Variants in ACTC1 observed in about 807,000 individuals in gnomAD.
The protein encoded by ACTC1 is actin, alpha cardiac muscle 1.
Under a neutral mutation model 31.6 loss-of-function variants are expected in ACTC1, and 10 were observed. The observed-to-expected ratio is 0.32, with a 90% CI of 0.19 to 0.54. ACTC1 has a LOEUF of 0.54. Ranked by LOEUF, ACTC1 falls within the 20% of genes least tolerant of loss-of-function variation. The pLI is 0.95. For synonymous variants in ACTC1, 196 were observed against 185.0 expected, an observed-to-expected ratio of 1.06 and a Z score of -0.48; for missense variants, 129 against 506.4, an observed-to-expected ratio of 0.25 and a Z score of 7.15.
Position 34,792,082 on chromosome 15 carries a change from C to A in ACTC1, c.808+8G>T. On this transcript the variant is annotated splice_region_variant and intron_variant, in intron 5 of 6. Coordinates refer to ENST00000290378, the MANE Select transcript of ACTC1 (RefSeq NM_005159.5). This position sits in a 1 kb window ranked among gnomAD's most constrained non-coding sequence, Gnocchi z 5.3. ...AATCGTGCCTCTGCACCAGACCCTA[C>A]AACTCACCAATGAAGGAGGGCTGGA... 1 of 1,614,114 alleles carries A rather than the reference C, an allele frequency of 6.2e-7. No individual in the cohort carries two copies. The highest frequency in any genetic ancestry group is 1.1e-5 in the South Asian group (1 of 91,072).
Position 34,793,720 on chromosome 15 carries a change from T to A in ACTC1, c.130-151A>T. The A allele has an allele frequency of 1.3e-6, 1 of 749,024 alleles. No homozygotes were observed. Among genetic ancestry groups the A allele is most frequent in the Non-Finnish European group, 2.2e-6 (1 of 451,762 alleles). 46.4% of individuals were successfully genotyped at this position (749,024 alleles called of 1,614,324 possible). A position where few individuals can be genotyped will look rare whatever the true frequency, so the allele number is the denominator to read the frequency against. On this transcript the variant is annotated intron_variant, in intron 2 of 6. Coordinates refer to ENST00000290378, the MANE Select transcript of ACTC1 (RefSeq NM_005159.5). The surrounding 1 kb of genome is among the most constrained non-coding windows in gnomAD (Gnocchi z 4.8). ...ACGATTTTACCCCAATTTAGAAGAATTATTTAAAAATCAATCTTCTACCTT... is the reference window on the plus strand; with the variant it reads ...ACGATTTTACCCCAATTTAGAAGAAATATTTAAAAATCAATCTTCTACCTT...
chr15:34,791,401 T>C, intron 5 of ACTC1, 106 bp from the exon 6 acceptor site: 1 of 1,447,306 alleles, frequency 6.9e-7, no homozygotes, highest in Middle Eastern at 2.1e-4. Flanking sequence ...AGAACTTCTT[T>C]GTGTGGGGGA....
chr15:34,793,673 A>G lies in ACTC1; in HGVS notation c.130-104T>C. 1.9e-6 allele frequency: 2 copies of G among 1,049,184 alleles called. No individual in the cohort carries two copies. Among genetic ancestry groups the G allele is most frequent in the Non-Finnish European group, 2.9e-6 (2 of 696,178 alleles). The allele number at this position is 1,049,184 out of a possible 1,614,324, so 65.0% of individuals were successfully genotyped here. On this transcript the variant is annotated intron_variant, in intron 2 of 6. Transcript: ENST00000290378. The surrounding 1 kb of genome is among the most constrained non-coding windows in gnomAD (Gnocchi z 4.8). The stretch of plus-strand genomic sequence containing the variant: ...CTGCCCAAGTCAAGGAACATATTTA[A>G]ATACCAGAAATAACAAGCAATACGA...
chr15:34,791,165 A>G lies in ACTC1; in HGVS notation c.939T>C (p.Asp313=), dbSNP rs1240994196. Reference sequence around the variant, plus strand: ...GAGCAGTGATTTCCTTCTGCATACGATCAGCAATACCAGGGTACATAGTGG... The same window carrying G: ...GAGCAGTGATTTCCTTCTGCATACGGTCAGCAATACCAGGGTACATAGTGG... ...GGTTMYPGIA[D]RMQKEITALA... is the part of the protein sequence containing the mutation. Residue 313 remains aspartate (D), a synonymous_variant, in exon 6 of 7, where the codon GAT becomes GAC. Transcript: ENST00000290378. The G allele has an allele frequency of 1.2e-6, 2 of 1,611,840 alleles. No homozygotes were observed. Among genetic ancestry groups the G allele is most frequent in the South Asian group, 1.1e-5 (1 of 91,008 alleles).
At chr15:34,794,479 C>T (rs529758887) in intron 2 of ACTC1, among the ~76,000 whole-genome samples, 26 of 152,308 alleles carry the variant, frequency 1.7e-4, no homozygotes, top group African/African-American at 5.1e-4. Flanking sequence ...CTTTTAGAGG[C>T]GTGCCACTCA....
At chr15:34,790,954 G>T (rs900247104) in intron 6 of ACTC1, among the ~76,000 whole-genome samples, 160 bp downstream of exon 6, 1 of 152,020 alleles carries the variant, frequency 6.6e-6, no homozygotes, top group Non-Finnish European at 1.5e-5. Context: ...TACCTATCTT[G>T]GGAAAAGTGC....
chr15:34,791,598 A>G, intron 5 of ACTC1: 1 of 430,722 alleles, frequency 2.3e-6, no homozygotes, highest in South Asian at 3.4e-5. Flanking sequence ...GAAAAGATAC[A>G]CGTTTAAACT....
Position 34,792,899 on chromosome 15 carries a change from C to T in ACTC1, c.455-330G>A. The T allele has an allele frequency of 2.0e-6, 1 of 505,490 alleles. No homozygotes were observed. The highest frequency in any genetic ancestry group is 3.6e-6 in the Non-Finnish European group (1 of 279,136). 31.3% of individuals were successfully genotyped at this position (505,490 alleles called of 1,614,324 possible). A position where few individuals can be genotyped will look rare whatever the true frequency, so the allele number is the denominator to read the frequency against. Reference sequence around the variant, plus strand: ...TCCTATTGAACTTACACGTTTCTCTCTCTTTTGACTCAGACCCTGTATGGA... The same window carrying T: ...TCCTATTGAACTTACACGTTTCTCTTTCTTTTGACTCAGACCCTGTATGGA... On this transcript the variant is annotated intron_variant, in intron 3 of 6. Coordinates refer to ENST00000290378, the MANE Select transcript of ACTC1 (RefSeq NM_005159.5). The surrounding 1 kb of genome is among the most constrained non-coding windows in gnomAD (Gnocchi z 5.3).
rs73387694 is a variant in ACTC1, at chr15:34,790,834, C to G, written c.991-279G>C. Among the ~76,000 whole-genome samples, 364 of 152,176 alleles carry G rather than the reference C, an allele frequency of 2.4e-3. 2 individuals are homozygous for G. The highest frequency in any genetic ancestry group is 8.2e-3 in the African/African-American group (340 of 41,516). ...AGCTAAATGTGTAGTGGAGCCTAGC[C>G]CAAAAGTTGGGAGCTTTAAAAATGT... is the stretch of plus-strand genomic sequence containing the variant. On this transcript the variant is annotated intron_variant, in intron 6 of 6. Transcript: ENST00000290378.
rs1338841032 is a variant in ACTC1, at chr15:34,790,652, T to C, written c.991-97A>G. ...GGATTCACAGAAAAAAACCATTAGATATTAATTCGCTATAATGTGGGATAT... is the reference window on the plus strand; with the variant it reads ...GGATTCACAGAAAAAAACCATTAGACATTAATTCGCTATAATGTGGGATAT... On this transcript the variant is annotated intron_variant, in intron 6 of 6. Coordinates refer to ENST00000290378, the MANE Select transcript of ACTC1 (RefSeq NM_005159.5). The C allele has an allele frequency of 2.1e-6, 3 of 1,441,256 alleles. No individual in the cohort carries two copies. The Admixed American group carries it at 5.3e-5, about 26-fold the overall frequency. The allele number at this position is 1,441,256 out of a possible 1,614,324, so 89.3% of individuals were successfully genotyped here. A position where few individuals can be genotyped will look rare whatever the true frequency, so the allele number is the denominator to read the frequency against.
intron 5 of ACTC1, 119 bp downstream of exon 5, chr15:34,791,971 G>C: frequency 9.4e-7 from 1 of 1,066,068 alleles, no homozygotes; most frequent in Non-Finnish European, 1.4e-6. Context: ...GAGCTGTGTG[G>C]GAATCCAAAC....
intron 5 of ACTC1, chr15:34,791,698 C>A (rs1891710904): frequency 2.9e-6 from 1 of 344,702 alleles, no homozygotes; most frequent in Non-Finnish European, 5.4e-6. Context: ...TATTTGTTGA[C>A]ATATAAGTGC....
rs1270669150 is a variant in ACTC1 at position 34,793,820 on chromosome 15, A to G, written c.130-251T>C. Among the ~76,000 whole-genome samples the G allele has an allele frequency of 6.6e-6, 1 of 152,230 alleles. No individual in the cohort carries two copies. The highest frequency in any genetic ancestry group is 1.5e-5 in the Non-Finnish European group (1 of 68,038). ...AGGAGAGAATGAAGCTATTCCACTGAAGAAGCAGAGCCTCACCTCACCTTA... is the reference window on the plus strand; with the variant it reads ...AGGAGAGAATGAAGCTATTCCACTGGAGAAGCAGAGCCTCACCTCACCTTA... On this transcript the variant is annotated intron_variant, in intron 2 of 6. Coordinates refer to ENST00000290378, the MANE Select transcript of ACTC1 (RefSeq NM_005159.5). The surrounding 1 kb of genome is among the most constrained non-coding windows in gnomAD (Gnocchi z 4.8).
rs375944676 is a variant in ACTC1 at position 34,791,791 on chromosome 15, C to T, written c.808+299G>A. On this transcript the variant is annotated intron_variant, in intron 5 of 6. Coordinates refer to ENST00000290378, the MANE Select transcript of ACTC1 (RefSeq NM_005159.5). ...TCCAGCTACTTGGTAGTGAAACTTA[C>T]GGGAATAAGTCAGCTCTTGTGAACT... 2.6e-4 allele frequency: 110 copies of T among 421,860 alleles called. 4 individuals carry two copies. Among genetic ancestry groups the T allele is most frequent in the South Asian group, 2.5e-3 (100 of 40,198 alleles). The allele number at this position is 421,860 out of a possible 1,614,324, so 26.1% of individuals were successfully genotyped here.
rs748575010 is a variant in ACTC1 at position 34,791,345 on chromosome 15, ACAC to A, written c.809-53_809-51del. On this transcript the variant is annotated intron_variant, in intron 5 of 6. Transcript: ENST00000290378. ...CACACACACACACACACACACACAC[ACAC>A]ACACATCACAGTGCATTCAGGTCAA... 29 of 1,296,016 alleles carry A rather than the reference ACAC, an allele frequency of 2.2e-5. No homozygotes were observed. The African/African-American group carries it at 2.5e-4, about 11-fold the overall frequency. 80.3% of individuals were successfully genotyped at this position (1,296,016 alleles called of 1,614,324 possible). A position where few individuals can be genotyped will look rare whatever the true frequency, so the allele number is the denominator to read the frequency against.
chr15:34,794,197 G>A (rs1181023266), intron 2 of ACTC1, among the ~76,000 whole-genome samples: 1 of 152,182 alleles, frequency 6.6e-6, no homozygotes, highest in Admixed American at 6.5e-5. Flanking sequence ...CCTCTGTCAC[G>A]CCTGGCTTCT....
rs758955371 is a variant in ACTC1, at chr15:34,793,598, G to A, written c.130-29C>T. On this transcript the variant is annotated intron_variant, in intron 2 of 6. Transcript: ENST00000290378. The surrounding 1 kb of genome is among the most constrained non-coding windows in gnomAD (Gnocchi z 4.8). ...TGAGAAGAAAAAATGAGAAAATCATGCTCTCACCATGTCAGGAATATAATC... is the reference window on the plus strand; with the variant it reads ...TGAGAAGAAAAAATGAGAAAATCATACTCTCACCATGTCAGGAATATAATC... 2 of 1,593,856 alleles carry A rather than the reference G, an allele frequency of 1.3e-6. No individual in the cohort carries two copies. Among genetic ancestry groups the A allele is most frequent in the East Asian group, 4.5e-5 (2 of 44,758 alleles).
At position 34,792,205 on chromosome 15, in the gene ACTC1, T is replaced by A; in HGVS notation, c.693A>T (p.Thr231=). The change falls in exon 5 of 7, where the codon ACA becomes ACT. Residue 231 remains threonine (T), a synonymous_variant. Coordinates refer to ENST00000290378, the MANE Select transcript of ACTC1 (RefSeq NM_005159.5). The surrounding 1 kb of genome is among the most constrained non-coding windows in gnomAD (Gnocchi z 5.3). ...TCTCCAGGGAGGAGGAAGAGGCAGC[T>A]GTGGCCATCTCATTCTCAAAATCCA... is the stretch of plus-strand genomic sequence containing the variant. ...VALDFENEMA[T]AASSSSLEKS... is the part of the protein sequence containing the mutation. 1 of 1,614,270 alleles carries A rather than the reference T, an allele frequency of 6.2e-7. No individual in the cohort carries two copies. Among genetic ancestry groups the A allele is most frequent in the Non-Finnish European group, 8.5e-7 (1 of 1,180,046 alleles).
Position 34,793,305 on chromosome 15 carries a change from G to A in ACTC1, c.394C>T (p.Pro132Ser). The A allele has an allele frequency of 1.2e-6, 2 of 1,614,142 alleles. No homozygotes were observed. The highest frequency in any genetic ancestry group is 8.5e-7 in the Non-Finnish European group (1 of 1,180,024). ...GCCTGGATGGCCACGTACATGGCAG[G>A]GACATTGAAGGTCTCAAACATGATC... Reference protein sequence around the residue: ...TQIMFETFNVPAMYVAIQAVL... With the variant: ...TQIMFETFNVSAMYVAIQAVL... Residue 132 changes from proline to serine, a missense_variant, in exon 3 of 7, where the codon CCT (proline) becomes TCT (serine). Physicochemically the swap from Pro to Ser is moderately conservative, Grantham distance 74 (BLOSUM62 -1). Around this residue, in one of 5 missense-constraint regions of ACTC1, gnomAD observed 37 missense variants for 228.6 expected, o/e 0.16. Transcript: ENST00000290378. The surrounding 1 kb of genome is among the most constrained non-coding windows in gnomAD (Gnocchi z 4.8).
Sources: allele counts gnomAD v4.1 joint callset (sites outside exome capture counted in the v4.1 genomes callset), GRCh38; gene constraint gnomAD v4.1.1; regional missense constraint gnomAD v4.1.1; non-coding constraint Gnocchi (gnomAD v3.1); transcripts MANE v1.5; gene names NCBI Gene and HGNC (gene_info 2026-07-23, HGNC 2026-07-21).